The following RAPGEF1 variants were observed in gnomAD, a reference collection of about 807,000 sequenced individuals.
RAPGEF1 encodes CRK SH3-binding GNRP.
RAPGEF1 carries 33 observed loss-of-function variants against 143.3 expected under a neutral mutation model. The observed-to-expected ratio is 0.23, with a 90% CI of 0.17 to 0.31. The LOEUF (loss-of-function observed/expected upper bound fraction) is 0.31. Among genes scored for constraint, RAPGEF1 ranks in the 10% least tolerant of loss-of-function variants. RAPGEF1 has a pLI of 1.00. For synonymous variants in RAPGEF1, 629 were observed against 676.5 expected (o/e 0.93, Z 1.09); for missense variants, 1,199 against 1,645.4 (o/e 0.73, Z 4.69).
chr9:131,700,581 C>T (rs1303019526), intron 1 of RAPGEF1, among the ~76,000 whole-genome samples: 1 of 152,188 alleles, frequency 6.6e-6, no homozygotes, highest in Admixed American at 6.5e-5. Context: ...GATGAATGAA[C>T]ATCCAATCAA....
At chr9:131,613,218 C>T (rs1317855966) in intron 12 of RAPGEF1, among the ~76,000 whole-genome samples, 1 of 151,708 alleles carries the variant, frequency 6.6e-6, no homozygotes, top group Non-Finnish European at 1.5e-5. Context: ...GGGCGGTGTG[C>T]TCAGGTTCAT....
intron 5 of RAPGEF1, among the ~76,000 whole-genome samples, chr9:131,634,713 CAAAAA>C (rs35405559): frequency 6.5e-5 from 4 of 61,218 alleles, no homozygotes; most frequent in African/African-American, 2.3e-4. Flanking sequence ...GACTCCGTCT[CAAAAA>C]AAAAAAAAAA....
At chr9:131,701,570 G>A (rs1212779878) in intron 1 of RAPGEF1, among the ~76,000 whole-genome samples, 1 of 152,024 alleles carries the variant, frequency 6.6e-6, no homozygotes. Flanking sequence ...TTGTATCATT[G>A]TTACATATAT....
intron 5 of RAPGEF1, among the ~76,000 whole-genome samples, chr9:131,637,540 T>A (rs115659207): frequency 1.6e-3 from 247 of 152,254 alleles, no homozygotes; most frequent in African/African-American, 5.6e-3. Flanking sequence ...TTAGCCTCGT[T>A]GAGTGGGAAG....
intron 9 of RAPGEF1, among the ~76,000 whole-genome samples, chr9:131,627,213 CAAAAAAAAAA>C (rs10690802): frequency 2.3e-4 from 22 of 97,418 alleles, no homozygotes; most frequent in African/African-American, 7.9e-4. Context: ...GGCTCTGTCT[CAAAAAAAAAA>C]AAAAAAAAAA....
intron 1 of RAPGEF1, among the ~76,000 whole-genome samples, chr9:131,693,439 A>C (rs3857983): frequency 0.87 from 132,534 of 152,110 alleles, 58,001 homozygotes; most frequent in African/African-American, 0.95. Context: ...TCTGACCTTC[A>C]GAGAAATCAG....
chr9:131,640,130 C>T (rs533755374), intron 4 of RAPGEF1, among the ~76,000 whole-genome samples: 25 of 152,164 alleles, frequency 1.6e-4, no homozygotes, highest in Non-Finnish European at 3.2e-4. Context: ...GGAAAGAGGA[C>T]GGAGAGGGGA....
At chr9:131,671,101 G>A (rs544099882) in intron 1 of RAPGEF1, among the ~76,000 whole-genome samples, 4 of 152,240 alleles carry the variant, frequency 2.6e-5, no homozygotes, top group Non-Finnish European at 5.9e-5. Context: ...GAAAAACCAG[G>A]GGCAACCCAA....
At chr9:131,739,685 C>T in intron 1 of RAPGEF1, 85 bp downstream of exon 1, 2 of 975,374 alleles carry the variant, frequency 2.1e-6, no homozygotes, top group African/African-American at 3.5e-5. Flanking sequence ...CCGCACATCC[C>T]GGGCGACCCG....
chr9:131,671,456 C>T (rs1314584825), intron 1 of RAPGEF1, among the ~76,000 whole-genome samples: 1 of 152,232 alleles, frequency 6.6e-6, no homozygotes, highest in African/African-American at 2.4e-5. Context: ...GCCCACAAAA[C>T]TGGGGTTGCA....
chr9:131,586,049 A>G (rs985078564), intron 22 of RAPGEF1, among the ~76,000 whole-genome samples: 3 of 151,884 alleles, frequency 2.0e-5, no homozygotes, highest in African/African-American at 7.3e-5. Flanking sequence ...TGTGGTGGCG[A>G]GCACCTGTAG....
intron 22 of RAPGEF1, among the ~76,000 whole-genome samples, chr9:131,586,257 A>ACACACACAC: frequency 1.1e-5 from 1 of 91,358 alleles, no homozygotes; most frequent in Non-Finnish European, 2.1e-5. Flanking sequence ...CTCTGTCTCA[A>ACACACACAC]ACACACACAC....
intron 1 of RAPGEF1, among the ~76,000 whole-genome samples, chr9:131,654,297 T>C: frequency 6.6e-6 from 1 of 152,218 alleles, no homozygotes; most frequent in Non-Finnish European, 1.5e-5. Flanking sequence ...TATATATCAA[T>C]AAAGCTATTT....
chr9:131,715,782 T>C (rs1835819573), intron 1 of RAPGEF1, among the ~76,000 whole-genome samples: 1 of 150,696 alleles, frequency 6.6e-6, no homozygotes, highest in Non-Finnish European at 1.5e-5. Context: ...GAAGAATCAC[T>C]TGAACCCGGG....
intron 17 of RAPGEF1, among the ~76,000 whole-genome samples, 187 bp downstream of exon 17, chr9:131,596,111 C>G (rs991166632): frequency 1.3e-5 from 2 of 152,210 alleles, no homozygotes; most frequent in African/African-American, 2.4e-5. Flanking sequence ...CCACGCACGC[C>G]TGGAGTTGAA....
intron 5 of RAPGEF1, 141 bp downstream of exon 5, chr9:131,638,494 T>TG: frequency 1.1e-6 from 1 of 930,602 alleles, no homozygotes; most frequent in Non-Finnish European, 1.6e-6. Flanking sequence ...TAAGTAGTTA[T>TG]GGGATAGAGC....
intron 15 of RAPGEF1, among the ~76,000 whole-genome samples, chr9:131,601,334 A>G (rs1956247582): frequency 6.6e-6 from 1 of 152,220 alleles, no homozygotes; most frequent in Non-Finnish European, 1.5e-5. Context: ...CCCTGATAAC[A>G]AGTTTGTAAG....
At position 131,582,667 on chromosome 9, in the gene RAPGEF1, C is replaced by G. The variant is rs35754546; in HGVS notation, c.3450G>C (p.Ser1150=). Reference sequence around the variant, plus strand: ...CGGCCCGGTAGGCTCGGAAGGAGGACGAGCTGTCGATCAGTGTGCAGTACT... The same window carrying G: ...CGGCCCGGTAGGCTCGGAAGGAGGAGGAGCTGTCGATCAGTGTGCAGTACT... The part of the protein sequence containing the change: ...LAEYCTLIDS[S]SSFRAYRAAL... The change falls in exon 25 of 27, where the codon TCG becomes TCC. Residue 1150 remains serine, a synonymous_variant. Transcript: ENST00000683357. The G allele has an allele frequency of 1.9e-3, 3,002 of 1,543,882 alleles. 53 individuals carry two copies. The African/African-American group carries it at 0.038, about 19-fold the overall frequency.
At chr9:131,633,319 A>C (rs1426168146) in intron 5 of RAPGEF1, among the ~76,000 whole-genome samples, 2 of 152,174 alleles carry the variant, frequency 1.3e-5, no homozygotes, top group Non-Finnish European at 2.9e-5. Context: ...CGGTGGGAGA[A>C]GCAGCTCTTC....
Sources: allele counts gnomAD v4.1 joint callset (sites outside exome capture counted in the v4.1 genomes callset), GRCh38; gene constraint gnomAD v4.1.1; transcripts MANE v1.5; gene names NCBI Gene and HGNC (gene_info 2026-07-23, HGNC 2026-07-21).